The following ETFA variants were observed in gnomAD, a reference collection of about 807,000 sequenced individuals.
ETFA encodes electron transfer flavoprotein subunit alpha, mitochondrial.
In ETFA, 22 loss-of-function variants were observed where a neutral mutation model predicts 46.2. The observed-to-expected ratio is 0.48, with a 90% CI of 0.34 to 0.68. The LOEUF (loss-of-function observed/expected upper bound fraction) is 0.68. Ranked by LOEUF, ETFA falls within the 30% of genes least tolerant of loss-of-function variation. The probability of loss-of-function intolerance (pLI) is 0.01; values close to 1 mark genes in which losing one functional copy is unlikely to be tolerated. For synonymous variants in ETFA, 131 were observed against 139.9 expected (o/e 0.94, Z 0.45); for missense variants, 345 against 401.1 (o/e 0.86, Z 1.19).
intron 9 of ETFA, among the ~76,000 whole-genome samples, chr15:76,233,261 A>G (rs2039087841): frequency 6.6e-6 from 1 of 150,860 alleles, no homozygotes; most frequent in African/African-American, 2.4e-5. Flanking sequence ...AGACATGGAC[A>G]CTTGCATAAG....
chr15:76,264,249 T>C (rs1183231714), intron 9 of ETFA, among the ~76,000 whole-genome samples: 3 of 152,220 alleles, frequency 2.0e-5, no homozygotes, highest in South Asian at 4.1e-4. Context: ...TAACAAAATC[T>C]GTTCTCACTC....
chr15:76,240,679 G>T (rs565788950), intron 9 of ETFA, among the ~76,000 whole-genome samples: 1 of 152,040 alleles, frequency 6.6e-6, no homozygotes, highest in African/African-American at 2.4e-5. Flanking sequence ...TTTTCTAATT[G>T]TAGATTTCAA....
At chr15:76,243,240 C>T (rs552988369) in intron 9 of ETFA, among the ~76,000 whole-genome samples, 205 of 150,570 alleles carry the variant, frequency 1.4e-3, no homozygotes, top group Non-Finnish European at 4.3e-4. Flanking sequence ...CACTGCACTC[C>T]GGCCTGGGCA....
intron 9 of ETFA, among the ~76,000 whole-genome samples, chr15:76,243,827 A>C (rs1342957102): frequency 3.9e-5 from 6 of 151,994 alleles, no homozygotes; most frequent in African/African-American, 1.2e-4. Flanking sequence ...AAACAAAAAA[A>C]AAACAAAGTT....
chr15:76,258,891 C>A (rs2039373560), intron 9 of ETFA: 2 of 831,290 alleles, frequency 2.4e-6, no homozygotes, highest in Non-Finnish European at 3.9e-6. Context: ...AGCCTCCACA[C>A]CTTGCTGTCT....
rs560415774 is a variant in ETFA at position 76,224,991 on chromosome 15, T to G, written c.963+858A>C. 1.1e-3 allele frequency among the ~76,000 whole-genome samples: 172 copies of G among 151,988 alleles called. 2 individuals are homozygous for G. The highest frequency in any genetic ancestry group is 2.1e-3 in the Non-Finnish European group (144 of 67,974). ...GCAAGAGAGAAGGAACACTCAAAAG[T>G]GAAGAGTGTGAGGAGTGAGAAATAA... On this transcript the variant is annotated intron_variant, in intron 11 of 11. Transcript: ENST00000557943.
chr15:76,289,068 C>T (rs943371694), intron 4 of ETFA, among the ~76,000 whole-genome samples: 3 of 151,856 alleles, frequency 2.0e-5, no homozygotes, highest in South Asian at 2.1e-4. Flanking sequence ...TACAGGCGCA[C>T]GCTACTGCGT....
intron 9 of ETFA, among the ~76,000 whole-genome samples, chr15:76,234,603 G>T (rs2039104354): frequency 6.6e-6 from 1 of 152,126 alleles, no homozygotes; most frequent in Non-Finnish European, 1.5e-5. Flanking sequence ...AACAGAAACA[G>T]AAAGAAGGAG....
At chr15:76,240,394 C>A (rs1567200316) in intron 9 of ETFA, among the ~76,000 whole-genome samples, 1 of 152,266 alleles carries the variant, frequency 6.6e-6, no homozygotes, top group African/African-American at 2.4e-5. Flanking sequence ...AATCAGCCTA[C>A]CTTTTCTCCC....
intron 9 of ETFA, among the ~76,000 whole-genome samples, chr15:76,263,652 A>T (rs2039441752): frequency 6.6e-6 from 1 of 152,202 alleles, no homozygotes. Context: ...CAACGGGAAG[A>T]GATTTTAAAA....
chr15:76,296,911 T>A (rs1039085597), intron 1 of ETFA, among the ~76,000 whole-genome samples: 2 of 152,146 alleles, frequency 1.3e-5, no homozygotes, highest in Non-Finnish European at 2.9e-5. Flanking sequence ...TACAGTCAAG[T>A]GGGGAAGGAA....
intron 4 of ETFA, among the ~76,000 whole-genome samples, chr15:76,290,828 G>T (rs1055767368): frequency 6.6e-6 from 1 of 152,186 alleles, no homozygotes; most frequent in Non-Finnish European, 1.5e-5. Flanking sequence ...GAATAAGAAA[G>T]CAGGACTTTG....
At chr15:76,266,860 C>T (rs186639695) in intron 9 of ETFA, among the ~76,000 whole-genome samples, 74 of 151,386 alleles carry the variant, frequency 4.9e-4, no homozygotes, top group African/African-American at 1.6e-3. Context: ...GCTGAGATCA[C>T]GCCACTGCAC....
chr15:76,295,094 G>A (rs774763506), intron 2 of ETFA, among the ~76,000 whole-genome samples: 10 of 152,126 alleles, frequency 6.6e-5, no homozygotes, highest in Admixed American at 1.3e-4. Context: ...GTTATCATCT[G>A]ATTTCAACAA....
intron 1 of ETFA, among the ~76,000 whole-genome samples, chr15:76,310,349 T>G: frequency 9.8e-6 from 1 of 102,446 alleles, no homozygotes. Context: ...CAGGAGTGGA[T>G]GGGAAAATAT....
chr15:76,282,857 G>A (rs909185806), intron 8 of ETFA, among the ~76,000 whole-genome samples: 1 of 152,028 alleles, frequency 6.6e-6, no homozygotes, highest in African/African-American at 2.4e-5. Context: ...GTCTCAATTA[G>A]GTTGCCTAGG....
At chr15:76,299,345 A>G (rs2039858626) in intron 1 of ETFA, among the ~76,000 whole-genome samples, 1 of 152,160 alleles carries the variant, frequency 6.6e-6, no homozygotes, top group African/African-American at 2.4e-5. Context: ...ATACAGTGGC[A>G]CAATCACAGC....
intron 8 of ETFA, among the ~76,000 whole-genome samples, chr15:76,282,304 C>T (rs1261368331): frequency 6.6e-6 from 1 of 151,982 alleles, no homozygotes; most frequent in Admixed American, 6.6e-5. Flanking sequence ...GGCCACAAGC[C>T]CAGGGATATC....
chr15:76,242,668 A>G (rs2039203861), intron 9 of ETFA, among the ~76,000 whole-genome samples: 1 of 152,260 alleles, frequency 6.6e-6, no homozygotes, highest in African/African-American at 2.4e-5. Context: ...TGACAGATGA[A>G]TGGATAAGCA....
Sources: allele counts gnomAD v4.1 joint callset (sites outside exome capture counted in the v4.1 genomes callset), GRCh38; gene constraint gnomAD v4.1.1; transcripts MANE v1.5; gene names NCBI Gene and HGNC (gene_info 2026-07-23, HGNC 2026-07-21).